FSBP: variants seen among roughly 807,000 people sequenced by gnomAD.
FSBP encodes the protein fibrinogen silencer-binding protein.
Under a neutral mutation model 24.6 loss-of-function variants are expected in FSBP, and 18 were observed. The ratio of observed to expected loss-of-function variants is 0.73; its 90% CI spans 0.51 to 1.08. The LOEUF (loss-of-function observed/expected upper bound fraction) is 1.08. Ranked by LOEUF, FSBP falls within the 50% of genes least tolerant of loss-of-function variation. FSBP has a pLI of 0.00. For synonymous variants in FSBP, 110 were observed against 125.8 expected, an observed-to-expected ratio of 0.87 and a Z score of 0.84; for missense variants, 305 against 347.6, an observed-to-expected ratio of 0.88 and a Z score of 0.98.
Position 94,430,525 on chromosome 8 carries a change from G to A in FSBP, c.*1606C>T. 1 of 849,294 alleles carries A rather than the reference G, an allele frequency of 1.2e-6. No homozygotes were observed. Among genetic ancestry groups the A allele is most frequent in the African/African-American group, 1.8e-5 (1 of 54,356 alleles). The allele number at this position is 849,294 out of a possible 1,614,324, so 52.6% of individuals were successfully genotyped here. On this transcript the variant is annotated 3_prime_UTR_variant, in exon 2 of 2. Transcript: ENST00000481490. ...GCTAAAGGGTTTATTAAAAGAGATT[G>A]CTGACACCCCCAGGGTTTCTAATTC...
intron 1 of FSBP, 131 bp downstream of exon 1, chr8:94,436,364 G>T: frequency 1.7e-6 from 2 of 1,204,106 alleles, no homozygotes; most frequent in Non-Finnish European, 2.2e-6. Flanking sequence ...TTTAAAAAAT[G>T]CAAAACAAAG....
In FSBP at chr8:94,428,598, AC is replaced by A. The variant is rs1351339120; in HGVS notation, c.*3532del. 3.6e-5 allele frequency: 17 copies of A among 472,468 alleles called. No individual in the cohort carries two copies. In the South Asian group the frequency reaches 7.3e-4, roughly 20 times the overall value. 29.3% of individuals were successfully genotyped at this position (472,468 alleles called of 1,614,324 possible). ...AAAACTGGGGATTAGCCCAACTCCT[AC>A]CTCAGTTATACCGTCTTTTTAAATT... is the stretch of plus-strand genomic sequence containing the variant. On this transcript the variant is annotated 3_prime_UTR_variant, in exon 2 of 2. Transcript: ENST00000481490.
chr8:94,428,169 T>C lies in FSBP; in HGVS notation c.*3962A>G, dbSNP rs1257727483. 1.2e-6 allele frequency: 1 copy of C among 823,732 alleles called. No homozygotes were observed. Among genetic ancestry groups the C allele is most frequent in the South Asian group, 5.6e-5 (1 of 17,976 alleles). 51.0% of individuals were successfully genotyped at this position (823,732 alleles called of 1,614,324 possible). ...ATCCACTATCTAAATTACTAATATA[T>C]TGGATGAAATAATCTATATACTTAG... On this transcript the variant is annotated 3_prime_UTR_variant, in exon 2 of 2. Transcript: ENST00000481490.
rs1475690124 is a variant in FSBP at position 94,432,047 on chromosome 8, C to T, written c.*84G>A. On this transcript the variant is annotated 3_prime_UTR_variant, in exon 2 of 2. Coordinates refer to ENST00000481490, the MANE Select transcript of FSBP (RefSeq NM_001256141.2). ...AGAGATTAACAACATTTTTCAAGAA[C>T]GTGTATTCTGTTTCAGGATATTCCC... is the stretch of plus-strand genomic sequence containing the variant. The T allele has an allele frequency of 1.2e-5, 17 of 1,439,914 alleles. No individual in the cohort carries two copies. The highest frequency in any genetic ancestry group is 2.9e-5 in the Admixed American group (1 of 34,936). 89.2% of individuals were successfully genotyped at this position (1,439,914 alleles called of 1,614,324 possible).
intron 1 of FSBP, among the ~76,000 whole-genome samples, chr8:94,435,845 C>A (rs1259800574): frequency 6.6e-6 from 1 of 152,022 alleles, no homozygotes; most frequent in Admixed American, 6.6e-5. Context: ...ATAAAAACAA[C>A]AACAACAAAA....
Position 94,432,558 on chromosome 8 carries a change from T to C in FSBP, c.473A>G (p.Glu158Gly). The stretch of plus-strand genomic sequence containing the variant: ...CAGTGGAGGAGGTGGTTTAATGTCT[T>C]CTTCTTGCTTCACCTCCACTGTAAT... ...VAITVEVKQE[E>G]DIKPPPPLVL... Residue 158 changes from glutamate to glycine, a missense_variant, in exon 2 of 2, where the codon GAA becomes GGA. Glu to Gly is a moderately conservative substitution (Grantham distance 98). Transcript: ENST00000481490. The C allele has an allele frequency of 6.4e-7, 1 of 1,550,470 alleles. No individual in the cohort carries two copies. The highest frequency in any genetic ancestry group is 8.7e-7 in the Non-Finnish European group (1 of 1,146,850).
Position 94,431,974 on chromosome 8 carries a change from T to A in FSBP, c.*157A>T. On this transcript the variant is annotated 3_prime_UTR_variant, in exon 2 of 2. Coordinates refer to ENST00000481490, the MANE Select transcript of FSBP (RefSeq NM_001256141.2). The stretch of plus-strand genomic sequence containing the variant: ...CAACCAACCAGTAAATTTTAATATC[T>A]CAAAAGAAAATAATTAGAAAATTAT... 1 of 1,308,352 alleles carries A rather than the reference T, an allele frequency of 7.6e-7. No homozygotes were observed. The highest frequency in any genetic ancestry group is 9.7e-7 in the Non-Finnish European group (1 of 1,025,688). The allele number at this position is 1,308,352 out of a possible 1,614,324, so 81.0% of individuals were successfully genotyped here. A position where few individuals can be genotyped will look rare whatever the true frequency, so the allele number is the denominator to read the frequency against.
chr8:94,435,979 C>G (rs1313983725), intron 1 of FSBP, among the ~76,000 whole-genome samples: 1 of 151,954 alleles, frequency 6.6e-6, no homozygotes, highest in Admixed American at 6.6e-5. Flanking sequence ...CACAATCATG[C>G]CATTAACAAG....
At chr8:94,436,417 A>G (rs1315958154) in intron 1 of FSBP, 78 bp downstream of exon 1, 4 of 1,434,996 alleles carry the variant, frequency 2.8e-6, no homozygotes, top group East Asian at 5.0e-5. Flanking sequence ...TACTATGCAT[A>G]TCTCTATCAC....
intron 1 of FSBP, among the ~76,000 whole-genome samples, chr8:94,435,536 G>C (rs757776909): frequency 1.2e-4 from 19 of 152,096 alleles, no homozygotes; most frequent in Admixed American, 3.3e-4. Context: ...AACTAACAAG[G>C]AGTTTACAAT....
In FSBP at chr8:94,431,089, A is replaced by T; in HGVS notation, c.*1042T>A. The T allele has an allele frequency of 1.0e-6, 1 of 984,266 alleles. No homozygotes were observed. Among genetic ancestry groups the T allele is most frequent in the Non-Finnish European group, 1.2e-6 (1 of 828,866 alleles). The allele number at this position is 984,266 out of a possible 1,614,324, so 61.0% of individuals were successfully genotyped here. ...TTCTCAACAAAACCCCAGCAAAAAT[A>T]GAAATTCTTAAGTAACATACATATT... On this transcript the variant is annotated 3_prime_UTR_variant, in exon 2 of 2. Transcript: ENST00000481490.
In FSBP at chr8:94,431,943, C is replaced by G. The variant is rs1186950405; in HGVS notation, c.*188G>C. 7.9e-7 allele frequency: 1 copy of G among 1,260,796 alleles called. No homozygotes were observed. The highest frequency in any genetic ancestry group is 1.0e-6 in the Non-Finnish European group (1 of 995,512). The allele number at this position is 1,260,796 out of a possible 1,614,324, so 78.1% of individuals were successfully genotyped here. A position where few individuals can be genotyped will look rare whatever the true frequency, so the allele number is the denominator to read the frequency against. Reference sequence around the variant, plus strand: ...AAAAAGAAGACAATAAAAACTATAACCATGCCAACCAACCAGTAAATTTTA... The same window carrying G: ...AAAAAGAAGACAATAAAAACTATAAGCATGCCAACCAACCAGTAAATTTTA... On this transcript the variant is annotated 3_prime_UTR_variant, in exon 2 of 2. Transcript: ENST00000481490.
At position 94,429,545 on chromosome 8, in the gene FSBP, A is replaced by C. The variant is rs1242817028; in HGVS notation, c.*2586T>G. 1 of 983,686 alleles carries C rather than the reference A, an allele frequency of 1.0e-6. No homozygotes were observed. The highest frequency in any genetic ancestry group is 1.1e-4 in the East Asian group (1 of 8,810). 60.9% of individuals were successfully genotyped at this position (983,686 alleles called of 1,614,324 possible). A position where few individuals can be genotyped will look rare whatever the true frequency, so the allele number is the denominator to read the frequency against. On this transcript the variant is annotated 3_prime_UTR_variant, in exon 2 of 2. Transcript: ENST00000481490. The stretch of plus-strand genomic sequence containing the variant: ...AGTAGCATGCTGAAACTGTAAAGTG[A>C]ATTACATCTCATATATGTGCTTTCA...
chr8:94,430,372 T>G lies in FSBP; in HGVS notation c.*1759A>C, dbSNP rs1812060092. The G allele has an allele frequency of 1.0e-6, 1 of 985,150 alleles. No individual in the cohort carries two copies. Among genetic ancestry groups the G allele is most frequent in the African/African-American group, 1.7e-5 (1 of 57,318 alleles). 61.0% of individuals were successfully genotyped at this position (985,150 alleles called of 1,614,324 possible). A position where few individuals can be genotyped will look rare whatever the true frequency, so the allele number is the denominator to read the frequency against. On this transcript the variant is annotated 3_prime_UTR_variant, in exon 2 of 2. Coordinates refer to ENST00000481490, the MANE Select transcript of FSBP (RefSeq NM_001256141.2). ...ATCTGGTATCAACCATCATCCAAAT[T>G]TATATCCCTCAGTTCACTTTCAACT...
chr8:94,432,667 C>CA lies in FSBP; in HGVS notation c.375-12dup, dbSNP rs1563655280. On this transcript the variant is annotated splice_polypyrimidine_tract_variant and intron_variant, in intron 1 of 1. Coordinates refer to ENST00000481490, the MANE Select transcript of FSBP (RefSeq NM_001256141.2). ...TCATCCAAGTTTGCACTATAGCACA[C>CA]AAAAAAGCATTATAATATGTAAATC... 3.4e-6 allele frequency: 5 copies of CA among 1,469,224 alleles called. No individual in the cohort carries two copies. Among genetic ancestry groups the CA allele is most frequent in the Admixed American group, 2.6e-5 (1 of 39,150 alleles). 91.0% of individuals were successfully genotyped at this position (1,469,224 alleles called of 1,614,324 possible). A position where few individuals can be genotyped will look rare whatever the true frequency, so the allele number is the denominator to read the frequency against.
At chr8:94,432,888 A>G (rs1812150668) in intron 1 of FSBP, among the ~76,000 whole-genome samples, 1 of 152,156 alleles carries the variant, frequency 6.6e-6, no homozygotes, top group South Asian at 2.1e-4. Context: ...TGTGCTTTAA[A>G]GGAGCAGGAA....
At chr8:94,436,131 G>A (rs1812253371) in intron 1 of FSBP, among the ~76,000 whole-genome samples, 2 of 151,972 alleles carry the variant, frequency 1.3e-5, no homozygotes, top group African/African-American at 2.4e-5. Flanking sequence ...GAAAATTCCA[G>A]TGAAATGTAA....
chr8:94,432,072 CAAATT>C lies in FSBP; in HGVS notation c.*54_*58del. The C allele has an allele frequency of 1.4e-6, 2 of 1,479,004 alleles. No homozygotes were observed. The highest frequency in any genetic ancestry group is 2.9e-5 in the South Asian group (2 of 69,916). 91.6% of individuals were successfully genotyped at this position (1,479,004 alleles called of 1,614,324 possible). A position where few individuals can be genotyped will look rare whatever the true frequency, so the allele number is the denominator to read the frequency against. On this transcript the variant is annotated 3_prime_UTR_variant, in exon 2 of 2. Transcript: ENST00000481490. ...CGTGTATTCTGTTTCAGGATATTCC[CAAATT>C]AAAGTAATTTGGCCAAAATCAAAAT... is the stretch of plus-strand genomic sequence containing the variant.
chr8:94,429,423 A>G lies in FSBP; in HGVS notation c.*2708T>C, dbSNP rs1440635049. ...TTTAACACAGATCTCTTTTCTAGAAACATCTCACAGAATTAATGTTCCACA... is the reference window on the plus strand; with the variant it reads ...TTTAACACAGATCTCTTTTCTAGAAGCATCTCACAGAATTAATGTTCCACA... On this transcript the variant is annotated 3_prime_UTR_variant, in exon 2 of 2. Transcript: ENST00000481490. The G allele has an allele frequency of 1.1e-6, 1 of 911,292 alleles. No homozygotes were observed. The highest frequency in any genetic ancestry group is 1.8e-5 in the African/African-American group (1 of 55,530). The allele number at this position is 911,292 out of a possible 1,614,324, so 56.5% of individuals were successfully genotyped here. A position where few individuals can be genotyped will look rare whatever the true frequency, so the allele number is the denominator to read the frequency against.
Sources: allele counts gnomAD v4.1 joint callset (sites outside exome capture counted in the v4.1 genomes callset), GRCh38; gene constraint gnomAD v4.1.1; transcripts MANE v1.5; gene names NCBI Gene and HGNC (gene_info 2026-07-23, HGNC 2026-07-21).